The following TENM3 variants were observed in gnomAD, a reference collection of about 807,000 sequenced individuals.
TENM3 encodes the protein teneurin-3.
A neutral mutation model predicts 255.1 loss-of-function variants in TENM3; 63 were observed. The ratio of observed to expected loss-of-function variants is 0.25; its 90% CI spans 0.20 to 0.30. TENM3 has a LOEUF of 0.30. Ranked by LOEUF, TENM3 falls within the 10% of genes least tolerant of loss-of-function variation. The probability of loss-of-function intolerance (pLI) is 1.00; values close to 1 mark genes in which losing one functional copy is unlikely to be tolerated. For missense variants in TENM3, 2,929 were observed against 3,461.1 expected, an observed-to-expected ratio of 0.85 and a Z score of 3.86; for synonymous variants, 1,306 against 1,322.3, an observed-to-expected ratio of 0.99 and a Z score of 0.27.
At chr4:181,722,171 T>C in the TENM3 span, among the ~76,000 whole-genome samples, 2 of 151,994 alleles carry the variant, frequency 1.3e-5, no homozygotes, top group Non-Finnish European at 2.9e-5. Flanking sequence ...ATAGAAAGAA[T>C]GGAAGGGTAG....
intron 12 of TENM3, among the ~76,000 whole-genome samples, chr4:182,706,911 A>T (rs1430017215): frequency 2.0e-5 from 3 of 150,606 alleles, no homozygotes; most frequent in Non-Finnish European, 1.5e-5. Context: ...CCAAGCTGTG[A>T]TTGCACCAGC....
the TENM3 span, among the ~76,000 whole-genome samples, chr4:181,767,803 G>A: frequency 1.3e-4 from 20 of 151,960 alleles, no homozygotes; most frequent in African/African-American, 4.6e-4. Flanking sequence ...TATCTTCAAG[G>A]CATATTTTAA....
the TENM3 span, among the ~76,000 whole-genome samples, chr4:182,043,084 C>G: frequency 6.6e-6 from 1 of 151,854 alleles, no homozygotes; most frequent in African/African-American, 2.4e-5. Flanking sequence ...TCAAGCTCTG[C>G]GTTTTTACAT....
intron 6 of TENM3, among the ~76,000 whole-genome samples, chr4:182,668,884 G>A (rs889011780): frequency 2.0e-5 from 3 of 152,060 alleles, no homozygotes; most frequent in Non-Finnish European, 4.4e-5. Flanking sequence ...TCTGAAATTG[G>A]CACCAGTTTA....
chr4:182,025,983 A>G, the TENM3 span, among the ~76,000 whole-genome samples: 1 of 151,558 alleles, frequency 6.6e-6, no homozygotes, highest in Non-Finnish European at 1.5e-5. Flanking sequence ...CCAGTCCCCC[A>G]CCTCCTGACA....
intron 4 of TENM3, among the ~76,000 whole-genome samples, chr4:182,604,144 T>G (rs1748180484): frequency 6.6e-6 from 1 of 152,180 alleles, no homozygotes. Flanking sequence ...TTTATTTCCT[T>G]TCTCTAATGA....
At chr4:181,602,298 C>A in the TENM3 span, among the ~76,000 whole-genome samples, 1 of 152,166 alleles carries the variant, frequency 6.6e-6, no homozygotes, top group African/African-American at 2.4e-5. Context: ...ACCCAGCAAG[C>A]TTTGTCCTCA....
chr4:182,174,282 C>A (rs1752301805), intron 1 of TENM3, among the ~76,000 whole-genome samples: 1 of 151,218 alleles, frequency 6.6e-6, no homozygotes, highest in Non-Finnish European at 1.5e-5. Flanking sequence ...AAACATAGAT[C>A]ATCTATTAGA....
the TENM3 span, among the ~76,000 whole-genome samples, chr4:181,924,154 G>T: frequency 1.1e-3 from 167 of 152,202 alleles, 1 homozygote; most frequent in African/African-American, 3.5e-3. Flanking sequence ...CTTACTGCTT[G>T]CTTTAAAACC....
At chr4:181,865,647 C>T in the TENM3 span, among the ~76,000 whole-genome samples, 1 of 152,194 alleles carries the variant, frequency 6.6e-6, no homozygotes, top group Non-Finnish European at 1.5e-5. Flanking sequence ...CAGTGACTCT[C>T]TAAGCTTTTT....
Position 182,688,798 on chromosome 4 carries a change from G to C in TENM3, c.2221+447G>C, listed in dbSNP as rs145089893. Among the ~76,000 whole-genome samples the C allele has an allele frequency of 4.0e-3, 614 of 152,152 alleles. 2 individuals carry two copies. The highest frequency in any genetic ancestry group is 0.014 in the African/African-American group (586 of 41,502). ...CATAGCTTAGACTTGTCCATATCTTGAGTCTCTGCAAAAGAGGTTTGACTT... is the reference window on the plus strand; with the variant it reads ...CATAGCTTAGACTTGTCCATATCTTCAGTCTCTGCAAAAGAGGTTTGACTT... On this transcript the variant is annotated intron_variant, in intron 12 of 27. Coordinates refer to ENST00000511685, the MANE Select transcript of TENM3 (RefSeq NM_001080477.4).
the TENM3 span, among the ~76,000 whole-genome samples, chr4:181,534,986 C>T: frequency 1.3e-5 from 2 of 152,172 alleles, no homozygotes; most frequent in East Asian, 1.9e-4. Flanking sequence ...AGCTCTAGCA[C>T]CCTGCTTGCT....
intron 1 of TENM3, among the ~76,000 whole-genome samples, chr4:182,149,181 C>CTATGG (rs1750163779): frequency 6.6e-6 from 1 of 151,768 alleles, no homozygotes; most frequent in African/African-American, 2.4e-5. Flanking sequence ...GGTGTTTTTC[C>CTATGG]AGCTTAAGAC....
At chr4:181,683,229 C>A in the TENM3 span, among the ~76,000 whole-genome samples, 1,751 of 152,060 alleles carry the variant, frequency 0.012, 34 homozygotes, top group African/African-American at 0.04. Context: ...TGTAAAACCT[C>A]GGAAATAGCT....
the TENM3 span, among the ~76,000 whole-genome samples, chr4:181,467,651 T>A: frequency 1.3e-5 from 2 of 151,866 alleles, no homozygotes; most frequent in Admixed American, 6.6e-5. Flanking sequence ...ATGAGGAAAA[T>A]GAGCATAAGG....
chr4:181,948,615 A>T, the TENM3 span, among the ~76,000 whole-genome samples: 3 of 151,988 alleles, frequency 2.0e-5, no homozygotes, highest in Non-Finnish European at 1.5e-5. Context: ...ACAGGGTTTC[A>T]CCATGTTGGC....
At chr4:182,421,270 GTAGA>G (rs1188538349) in intron 3 of TENM3, among the ~76,000 whole-genome samples, 8 of 152,120 alleles carry the variant, frequency 5.3e-5, no homozygotes, top group Middle Eastern at 3.4e-3. Flanking sequence ...ACTGAGAAAA[GTAGA>G]TAGAGAGGAC....
chr4:181,823,071 T>C, the TENM3 span, among the ~76,000 whole-genome samples: 1 of 152,206 alleles, frequency 6.6e-6, no homozygotes, highest in African/African-American at 2.4e-5. Context: ...GCATTTTGTT[T>C]CTTGCAGGTG....
the TENM3 span, among the ~76,000 whole-genome samples, chr4:181,644,346 G>T: frequency 9.2e-5 from 14 of 151,926 alleles, no homozygotes; most frequent in Admixed American, 2.0e-4. Context: ...ATTGTCCACA[G>T]TTCAGGGCAG....
Sources: allele counts gnomAD v4.1 joint callset (sites outside exome capture counted in the v4.1 genomes callset), GRCh38; gene constraint gnomAD v4.1.1; transcripts MANE v1.5; gene names NCBI Gene and HGNC (gene_info 2026-07-23, HGNC 2026-07-21).